The following DNAH3 variants were observed in gnomAD, a reference collection of about 807,000 sequenced individuals.
The protein encoded by DNAH3 is axonemal beta dynein heavy chain 3.
DNAH3 carries 332 observed loss-of-function variants against 432.5 expected under a neutral mutation model. The ratio of observed to expected loss-of-function variants is 0.77; its 90% CI spans 0.70 to 0.84. DNAH3 has a LOEUF of 0.84. Among genes scored for constraint, DNAH3 ranks in the 40% least tolerant of loss-of-function variants. DNAH3 has a pLI of 0.00. For synonymous variants in DNAH3, 1,956 were observed against 1,900.2 expected (o/e 1.03, Z -0.76); for missense variants, 4,861 against 5,114.0 (o/e 0.95, Z 1.51).
At chr16:21,028,466 G>T (rs912535203) in intron 37 of DNAH3, among the ~76,000 whole-genome samples, 1 of 150,418 alleles carries the variant, frequency 6.6e-6, no homozygotes, top group Non-Finnish European at 1.5e-5. Context: ...TTGGAGACCA[G>T]CCTGGCCAAC....
At chr16:21,065,159 T>A (rs1266179806) in intron 24 of DNAH3, among the ~76,000 whole-genome samples, 2 of 152,076 alleles carry the variant, frequency 1.3e-5, no homozygotes, top group Non-Finnish European at 2.9e-5. Context: ...ATATTAGTGC[T>A]ATTATTCATA....
At chr16:21,077,718 G>T (rs1444868778) in intron 20 of DNAH3, among the ~76,000 whole-genome samples, 1 of 152,124 alleles carries the variant, frequency 6.6e-6, no homozygotes, top group Non-Finnish European at 1.5e-5. Flanking sequence ...GGAAAGCCAA[G>T]TTCTTGGAAG....
At chr16:21,035,930 G>A (rs142772244) in intron 35 of DNAH3, among the ~76,000 whole-genome samples, 136 of 152,312 alleles carry the variant, frequency 8.9e-4, no homozygotes, top group African/African-American at 3.1e-3. Context: ...GATGATGACG[G>A]AGATGGTGGA....
chr16:21,156,325 G>A (rs1257822598), intron 1 of DNAH3, among the ~76,000 whole-genome samples: 2 of 151,910 alleles, frequency 1.3e-5, no homozygotes, highest in Non-Finnish European at 2.9e-5. Context: ...TCCACTGCCT[G>A]GGCTCAAGAG....
intron 5 of DNAH3, among the ~76,000 whole-genome samples, chr16:21,137,016 C>A (rs893491456): frequency 6.6e-6 from 1 of 152,056 alleles, no homozygotes; most frequent in Non-Finnish European, 1.5e-5. Context: ...CACCTGTAGT[C>A]CCATCTGCTC....
chr16:20,957,306 T>C (rs528033352), intron 54 of DNAH3, among the ~76,000 whole-genome samples: 3 of 152,322 alleles, frequency 2.0e-5, no homozygotes, highest in Admixed American at 1.3e-4. Flanking sequence ...AAAGTAGCCA[T>C]AGACAATATA....
chr16:21,032,246 C>T (rs369369700), intron 36 of DNAH3, among the ~76,000 whole-genome samples: 5 of 151,984 alleles, frequency 3.3e-5, no homozygotes, highest in Admixed American at 1.3e-4. Flanking sequence ...AATGAGGAAA[C>T]GGGAAACAGC....
At chr16:21,117,985 T>G (rs59887430) in intron 11 of DNAH3, among the ~76,000 whole-genome samples, 3,470 of 152,182 alleles carry the variant, frequency 0.023, 126 homozygotes, top group African/African-American at 0.077. Context: ...CGTGGGTTTT[T>G]TTTTGTTTTG....
chr16:21,130,926 T>TA (rs374092617), intron 7 of DNAH3, among the ~76,000 whole-genome samples: 100 of 152,300 alleles, frequency 6.6e-4, no homozygotes, highest in African/African-American at 2.4e-3. Flanking sequence ...CGCTTGTACT[T>TA]AAAGCAATAC....
intron 41 of DNAH3, among the ~76,000 whole-genome samples, chr16:21,017,713 TC>T (rs1467862887): frequency 2.0e-5 from 3 of 152,188 alleles, no homozygotes; most frequent in Non-Finnish European, 4.4e-5. Context: ...GAGACCTGTC[TC>T]AGATTTTTGT....
At chr16:20,985,848 AGTTTT>A in intron 47 of DNAH3, 133 bp from the exon 48 acceptor site, 1 of 933,476 alleles carries the variant, frequency 1.1e-6, no homozygotes, top group South Asian at 1.6e-5. Flanking sequence ...ATGGGTCATC[AGTTTT>A]GTTTTGTTTC....
exon 54 of DNAH3, chr16:20,959,259 G>A: frequency 6.2e-7 from 1 of 1,614,172 alleles, no homozygotes; most frequent in South Asian, 1.1e-5. Context: ...TTGCGGCCAG[G>A]TGGCAGTTCT....
chr16:21,067,757 T>TGGGGGGGGGGGTGGGGGG (rs2090607980), intron 23 of DNAH3, among the ~76,000 whole-genome samples: 2 of 29,804 alleles, frequency 6.7e-5, no homozygotes, highest in African/African-American at 3.4e-4. Context: ...AAGCCAGTCT[T>TGGGGGGGGGGGTGGGGGG]GGGGGGGGGG....
chr16:21,121,187 C>T (rs191297570), intron 10 of DNAH3: 5 of 408,206 alleles, frequency 1.2e-5, no homozygotes, highest in African/African-American at 2.1e-5. Flanking sequence ...GGACAATGGC[C>T]CTTTGGTCAT....
chr16:20,947,506 T>C (rs1257397013), intron 57 of DNAH3, among the ~76,000 whole-genome samples: 1 of 152,084 alleles, frequency 6.6e-6, no homozygotes, highest in Non-Finnish European at 1.5e-5. Context: ...TTGTGACTGG[T>C]GTCTGGGTTG....
rs535509272 is a variant in DNAH3, at chr16:20,983,560, T to C, written c.7666-646A>G. ...GATACACGGGAGCCATACACTGTTA[T>C]TTATAGAAGTTGCTGTGAGGTCATC... is the stretch of plus-strand genomic sequence containing the variant. On this transcript the variant is annotated intron_variant, in intron 48 of 61. Coordinates refer to ENST00000261383, the Ensembl canonical transcript of DNAH3. Among the ~76,000 whole-genome samples, 243 of 152,232 alleles carry C rather than the reference T, an allele frequency of 1.6e-3. 1 individual carries two copies. The highest frequency in any genetic ancestry group is 5.6e-3 in the African/African-American group (232 of 41,530).
At chr16:21,063,660 A>G (rs1176987595) in intron 24 of DNAH3, among the ~76,000 whole-genome samples, 1 of 151,806 alleles carries the variant, frequency 6.6e-6, no homozygotes, top group Non-Finnish European at 1.5e-5. Context: ...CTCCCACCTC[A>G]GCCTCCCGAG....
At chr16:20,945,712 G>A (rs899175106) in intron 57 of DNAH3, among the ~76,000 whole-genome samples, 7 of 152,074 alleles carry the variant, frequency 4.6e-5, no homozygotes, top group African/African-American at 1.2e-4. Context: ...GGATGGTCTC[G>A]ATCTCTTAAC....
chr16:20,961,612 G>A (rs1273284716), intron 53 of DNAH3, among the ~76,000 whole-genome samples: 2 of 151,818 alleles, frequency 1.3e-5, no homozygotes, highest in East Asian at 1.9e-4. Flanking sequence ...GAGGAGATGA[G>A]GACAGACACA....
Sources: allele counts gnomAD v4.1 joint callset (sites outside exome capture counted in the v4.1 genomes callset), GRCh38; gene constraint gnomAD v4.1.1; transcripts MANE v1.5; gene names NCBI Gene and HGNC (gene_info 2026-07-23, HGNC 2026-07-21).